Variants in GRM5 observed in about 807,000 individuals in gnomAD.
GRM5 encodes glutamate metabotropic receptor 5.
A neutral mutation model predicts 83.1 loss-of-function variants in GRM5; 19 were observed. The ratio of observed to expected loss-of-function variants is 0.23; its 90% CI spans 0.16 to 0.34. GRM5 has a LOEUF of 0.34. GRM5 is among the 10% of genes least tolerant of loss of function. GRM5 has a pLI of 1.00. For missense variants in GRM5, 1,160 were observed against 1,588.3 expected (o/e 0.73, Z 4.58); for synonymous variants, 675 against 633.6 (o/e 1.07, Z -0.98).
At chr11:88,837,356 T>C (rs753752279) in intron 3 of GRM5, among the ~76,000 whole-genome samples, 23 of 152,192 alleles carry the variant, frequency 1.5e-4, no homozygotes, top group Non-Finnish European at 3.2e-4. Flanking sequence ...TGTCTCTCTG[T>C]GTCTCAGTTT....
intron 2 of GRM5, among the ~76,000 whole-genome samples, chr11:89,000,023 G>T (rs915713024): frequency 2.0e-5 from 3 of 152,070 alleles, no homozygotes; most frequent in African/African-American, 7.2e-5. Flanking sequence ...TCATTCACAG[G>T]TGGGAATTGA....
At chr11:88,829,722 G>C (rs1343283183) in intron 3 of GRM5, among the ~76,000 whole-genome samples, 2 of 152,120 alleles carry the variant, frequency 1.3e-5, no homozygotes, top group Non-Finnish European at 2.9e-5. Flanking sequence ...AAAAATTGTA[G>C]TTGGATTAAA....
intron 2 of GRM5, among the ~76,000 whole-genome samples, chr11:88,990,275 AT>A (rs1225293332): frequency 6.6e-6 from 1 of 152,180 alleles, no homozygotes; most frequent in African/African-American, 2.4e-5. Flanking sequence ...AAATGGATAA[AT>A]TCCTCGACCC....
intron 3 of GRM5, among the ~76,000 whole-genome samples, chr11:88,812,834 T>G (rs1276011796): frequency 6.6e-6 from 1 of 152,124 alleles, no homozygotes; most frequent in Non-Finnish European, 1.5e-5. Flanking sequence ...CAATTTTGCA[T>G]GTAGGGAAAT....
intron 2 of GRM5, among the ~76,000 whole-genome samples, chr11:88,978,474 T>TAAAAAAAAAAAAAAAAAAAAAAA (rs200343438): frequency 1.0e-5 from 1 of 97,986 alleles, no homozygotes; most frequent in Non-Finnish European, 2.1e-5. Context: ...CAGATGAGCT[T>TAAAAAAAAAAAAAAAAAAAAAAA]AAAAAAAAAA....
chr11:88,948,550 G>T (rs1938352374), intron 2 of GRM5, among the ~76,000 whole-genome samples: 1 of 152,126 alleles, frequency 6.6e-6, no homozygotes, highest in South Asian at 2.1e-4. Context: ...GTTAACTTAG[G>T]TCTAACCTGG....
rs1383791825 is a variant in GRM5 at position 88,509,484 on chromosome 11, G to T, written c.2747C>A (p.Thr916Lys). The T allele has an allele frequency of 3.1e-6, 5 of 1,611,598 alleles. No homozygotes were observed. The African/African-American group carries it at 5.3e-5, about 17-fold the overall frequency. Residue 916 changes from threonine (T) to lysine (K), a missense_variant, in exon 10 of 10, where the codon ACG becomes AAG. Thr to Lys is a moderately conservative substitution (Grantham distance 78). Transcript: ENST00000305447. ...TMSSSNGKSV[T>K]WAQNEKSSRG... ...GCTGCTCTTCTCATTCTGGGCCCACGTGACGGATTTTCCATTGGAACTGAG... is the reference window on the plus strand; with the variant it reads ...GCTGCTCTTCTCATTCTGGGCCCACTTGACGGATTTTCCATTGGAACTGAG...
chr11:88,749,349 G>A (rs1314905030), intron 3 of GRM5, among the ~76,000 whole-genome samples: 1 of 152,114 alleles, frequency 6.6e-6, no homozygotes, highest in East Asian at 1.9e-4. Flanking sequence ...CTCAGACCTT[G>A]AAAACTATCT....
intron 2 of GRM5, among the ~76,000 whole-genome samples, chr11:88,888,362 G>A (rs1339069095): frequency 6.6e-6 from 1 of 152,116 alleles, no homozygotes; most frequent in Non-Finnish European, 1.5e-5. Context: ...AGGCCAAATG[G>A]GAAAAGAGAA....
chr11:88,668,965 T>C (rs899062585), intron 3 of GRM5, among the ~76,000 whole-genome samples: 8 of 152,152 alleles, frequency 5.3e-5, no homozygotes, highest in South Asian at 2.1e-4. Context: ...AGTTTATCCA[T>C]AGCAAAGTGG....
In GRM5 at chr11:88,509,418, T is replaced by C. The variant is rs191658476; in HGVS notation, c.2813A>G (p.Asn938Ser). The change falls in exon 10 of 10, where the codon AAC (asparagine) becomes AGC (serine). Residue 938 changes from asparagine (N) to serine (S), a missense_variant. By Grantham distance (46) the Asn-to-Ser change is conservative. Around this residue, in one of 9 missense-constraint regions of GRM5, gnomAD observed 562 missense variants for 532.4 expected, o/e 1.06. Transcript: ENST00000305447. ...CGTTTGGTTGGGGTTTTCTTTCTTG[T>C]TGATGTGGATGGACAGGCGCTGCCA... Reference protein sequence around the residue: ...HLWQRLSIHINKKENPNQTAV... With the variant: ...HLWQRLSIHISKKENPNQTAV... The C allele has an allele frequency of 3.6e-4, 576 of 1,612,858 alleles. 1 individual carries two copies. The highest frequency in any genetic ancestry group is 4.5e-4 in the Non-Finnish European group (532 of 1,179,878).
chr11:88,893,193 G>C (rs541535973), intron 2 of GRM5, among the ~76,000 whole-genome samples: 1 of 151,714 alleles, frequency 6.6e-6, no homozygotes, highest in African/African-American at 2.4e-5. Flanking sequence ...TACTATCACT[G>C]AATCTGCTAG....
At chr11:88,840,109 A>G (rs999669228) in intron 3 of GRM5, among the ~76,000 whole-genome samples, 4 of 152,048 alleles carry the variant, frequency 2.6e-5, no homozygotes, top group Admixed American at 2.6e-4. Context: ...AGGCAGGCAC[A>G]CTTAGTTTAA....
intron 2 of GRM5, among the ~76,000 whole-genome samples, chr11:88,990,318 G>A (rs1432664534): frequency 2.0e-5 from 3 of 152,028 alleles, no homozygotes; most frequent in African/African-American, 7.3e-5. Context: ...CCAGGAAGAA[G>A]TTGAATCTCT....
At chr11:88,932,425 T>C (rs1288587252) in intron 2 of GRM5, among the ~76,000 whole-genome samples, 1 of 152,042 alleles carries the variant, frequency 6.6e-6, no homozygotes, top group Non-Finnish European at 1.5e-5. Flanking sequence ...ACAGTGTATA[T>C]GCACATAGTT....
At chr11:88,535,362 A>ATT (rs1180186499) in intron 8 of GRM5, among the ~76,000 whole-genome samples, 21 of 152,178 alleles carry the variant, frequency 1.4e-4, no homozygotes, top group African/African-American at 5.1e-4. Context: ...ACACTGGAAA[A>ATT]CATAGTCTCT....
intron 3 of GRM5, among the ~76,000 whole-genome samples, chr11:88,658,026 C>T (rs1360554189): frequency 3.3e-5 from 5 of 152,116 alleles, no homozygotes; most frequent in South Asian, 2.1e-4. Context: ...AGTACCTGTC[C>T]GTGTCCTGTT....
intron 2 of GRM5, among the ~76,000 whole-genome samples, chr11:88,990,723 A>C (rs1384737062): frequency 1.3e-5 from 2 of 151,444 alleles, no homozygotes; most frequent in Admixed American, 6.6e-5. Context: ...CAAATCAATA[A>C]ACGTAATCCA....
intron 2 of GRM5, among the ~76,000 whole-genome samples, chr11:88,995,263 G>C (rs1940143833): frequency 6.6e-6 from 1 of 152,138 alleles, no homozygotes; most frequent in Non-Finnish European, 1.5e-5. Flanking sequence ...AATAAGGCCA[G>C]TGACCAGGCA....
Sources: gnomAD v4.1 joint callset for allele counts (sites outside exome capture counted in the v4.1 genomes callset) on GRCh38, gnomAD v4.1.1 for gene constraint, gnomAD v4.1.1 regional missense constraint, MANE v1.5 for transcripts, NCBI Gene and HGNC (gene_info 2026-07-23, HGNC 2026-07-21) for gene names.